Variants in PAX1 observed in about 807,000 individuals in gnomAD.
PAX1 encodes paired box 1, also known as paired box protein Pax-1.
In PAX1, 18 loss-of-function variants were observed where a neutral mutation model predicts 35.6. The observed-to-expected ratio is 0.50, with a 90% CI of 0.35 to 0.75. The LOEUF (loss-of-function observed/expected upper bound fraction) is 0.75, where lower values mean the gene tolerates loss of function less well. PAX1 is among the 30% of genes least tolerant of loss of function. PAX1 has a pLI of 0.01. For missense variants in PAX1, 760 were observed against 661.5 expected (o/e 1.15, Z -1.63); for synonymous variants, 397 against 305.2 (o/e 1.30, Z -3.14).
Position 21,714,563 on chromosome 20 carries a change from G to A in PAX1, c.*1G>A, listed in dbSNP as rs776170745. 1.1e-5 allele frequency: 18 copies of A among 1,586,768 alleles called. No homozygotes were observed. The highest frequency in any genetic ancestry group is 1.5e-5 in the Non-Finnish European group (18 of 1,167,722). On this transcript the variant is annotated 3_prime_UTR_variant, in exon 5 of 5. Coordinates refer to ENST00000613128, the MANE Select transcript of PAX1 (RefSeq NM_001257096.2). ...GCCCATCCCGGCCTCGACCTCCTAG[G>A]GGCAGCTCTCCCCGGACCCGAGCCC...
At position 21,709,337 on chromosome 20, in the gene PAX1, C is replaced by T. The variant is rs201542749; in HGVS notation, c.1175C>T (p.Pro392Leu). ...PGGGYLAPGP[P>L]WPPAQGPPLA... Reference sequence around the variant, plus strand: ...GGCGGCTACCTCGCCCCGGGCCCGCCGTGGCCGCCTGCGCAAGGTCCTCCT... The same window carrying T: ...GGCGGCTACCTCGCCCCGGGCCCGCTGTGGCCGCCTGCGCAAGGTCCTCCT... The change falls in exon 4 of 5, where the codon CCG becomes CTG. Residue 392 changes from proline to leucine, a missense_variant. By Grantham distance (98) the Pro-to-Leu change is moderately conservative. Coordinates refer to ENST00000613128, the MANE Select transcript of PAX1 (RefSeq NM_001257096.2). 3 of 1,599,098 alleles carry T rather than the reference C, an allele frequency of 1.9e-6. No homozygotes were observed. Among genetic ancestry groups the T allele is most frequent in the South Asian group, 1.1e-5 (1 of 90,788 alleles).
Position 21,706,902 on chromosome 20 carries a change from A to G in PAX1, c.751A>G (p.Ile251Val). 1.9e-6 allele frequency: 3 copies of G among 1,613,336 alleles called. No homozygotes were observed. In the East Asian group the frequency reaches 6.7e-5, roughly 36 times the overall value. The change falls in exon 2 of 5, where the codon ATC (isoleucine) becomes GTC (valine). Residue 251 changes from isoleucine (I) to valine (V), a missense_variant. This residue lies in a region of PAX1 where 490 missense variants were observed against 428.4 expected (regional missense o/e 1.14). Coordinates refer to ENST00000613128, the MANE Select transcript of PAX1 (RefSeq NM_001257096.2). This position sits in a 1 kb window ranked among gnomAD's most constrained non-coding sequence, Gnocchi z 5.3. The part of the protein sequence containing the change: ...PSQPTLPYNH[I>V]YQYPYPSPVS... ...GCAGCCTACGCTGCCCTACAACCAC[A>G]TCTACCAGTACCCCTACCCCAGTCC...
At chr20:21,708,369 T>C (rs1985082076) in intron 2 of PAX1, 189 bp from the exon 3 acceptor site, 3 of 758,072 alleles carry the variant, frequency 4.0e-6, no homozygotes, top group Non-Finnish European at 4.8e-6. Context: ...CAGGCCTGGC[T>C]GCCTTTCCTC....
At position 21,714,859 on chromosome 20, in the gene PAX1, G is replaced by A. The variant is rs1016176340; in HGVS notation, c.*297G>A. On this transcript the variant is annotated 3_prime_UTR_variant, in exon 5 of 5. Coordinates refer to ENST00000613128, the MANE Select transcript of PAX1 (RefSeq NM_001257096.2). The stretch of plus-strand genomic sequence containing the variant: ...TGACGTGGCCTCCTTCGCTCTGCCA[G>A]CTTCAAATTTCTTTTTTGTCACTCC... 2.8e-6 allele frequency: 4 copies of A among 1,440,832 alleles called. No individual in the cohort carries two copies. The African/African-American group carries it at 4.2e-5, about 15-fold the overall frequency. The allele number at this position is 1,440,832 out of a possible 1,614,324, so 89.3% of individuals were successfully genotyped here.
intron 4 of PAX1, 48 bp from the exon 5 acceptor site, chr20:21,714,423 T>C (rs1465797465): frequency 7.0e-7 from 1 of 1,423,926 alleles, no homozygotes; most frequent in Non-Finnish European, 9.5e-7. Flanking sequence ...CCTCTCGCAC[T>C]GCGCGGCGCT....
At chr20:21,713,538 G>C (rs972148448) in intron 4 of PAX1, among the ~76,000 whole-genome samples, 1 of 152,042 alleles carries the variant, frequency 6.6e-6, no homozygotes, top group Non-Finnish European at 1.5e-5. Flanking sequence ...GGCGCTCCAA[G>C]CTCCCCCTTT....
rs1465696001 is a variant in PAX1, at chr20:21,708,573, G to A, written c.932G>A (p.Ser311Asn). 2.5e-6 allele frequency: 4 copies of A among 1,613,784 alleles called. No homozygotes were observed. The Admixed American group carries it at 5.0e-5, about 20-fold the overall frequency. Residue 311 changes from serine to asparagine, a missense_variant, in exon 3 of 5, where the codon AGC (serine) becomes AAC (asparagine). By Grantham distance (46) the Ser-to-Asn change is conservative. Around this residue, in one of 3 missense-constraint regions of PAX1, gnomAD observed 490 missense variants for 428.4 expected, o/e 1.14. Transcript: ENST00000613128. ...TCTCCTGCAGGGGCCCTGGCTGGGA[G>A]CGAAGGCACCGCTTACTCTCCCAAG... ...FMEQTGALAG[S>N]EGTAYSPKME...
chr20:21,705,963 C>T lies in PAX1; in HGVS notation c.251C>T (p.Pro84Leu). 2 of 1,489,552 alleles carry T rather than the reference C, an allele frequency of 1.3e-6. No homozygotes were observed. Among genetic ancestry groups the T allele is most frequent in the Non-Finnish European group, 1.8e-6 (2 of 1,128,668 alleles). 92.3% of individuals were successfully genotyped at this position (1,489,552 alleles called of 1,614,324 possible). Residue 84 changes from proline to leucine, a missense_variant, in exon 1 of 5, where the codon CCC becomes CTC. By Grantham distance (98) the Pro-to-Leu change is moderately conservative. Coordinates refer to ENST00000613128, the MANE Select transcript of PAX1 (RefSeq NM_001257096.2). ...AGPSPGHPGH[P>L]GARQLAGPLA... Reference sequence around the variant, plus strand: ...CCCAGCCCCGGCCACCCCGGCCACCCCGGCGCCAGGCAGCTGGCCGGCCCG... The same window carrying T: ...CCCAGCCCCGGCCACCCCGGCCACCTCGGCGCCAGGCAGCTGGCCGGCCCG...
chr20:21,705,837 GC>G lies in PAX1; in HGVS notation c.128del (p.Pro43ArgfsTer60). ...CGCTGCCGCGCACAGCGCGTCTCCA[GC>G]CCGCGGCTGGGCCGCCGCGGCTCTC... ...ALRCRAQRVS[S>X]PRLGRRGSRL... On this transcript the variant is annotated frameshift_variant, in exon 1 of 5. Coordinates refer to ENST00000613128, the MANE Select transcript of PAX1 (RefSeq NM_001257096.2). LOFTEE classifies it high-confidence loss of function. 7.3e-7 allele frequency: 1 copy of G among 1,365,012 alleles called. No homozygotes were observed. The allele number at this position is 1,365,012 out of a possible 1,614,324, so 84.6% of individuals were successfully genotyped here. A position where few individuals can be genotyped will look rare whatever the true frequency, so the allele number is the denominator to read the frequency against.
rs993370464 is a variant in PAX1, at chr20:21,708,355, G to A, written c.917-203G>A. On this transcript the variant is annotated intron_variant, in intron 2 of 4. Transcript: ENST00000613128. Reference sequence around the variant, plus strand: ...ACCGGTTGAAGGCTAGGAGGACCGGGCAGCAGGCCTGGCTGCCTTTCCTCC... The same window carrying A: ...ACCGGTTGAAGGCTAGGAGGACCGGACAGCAGGCCTGGCTGCCTTTCCTCC... The A allele has an allele frequency of 8.4e-6, 6 of 717,936 alleles. No individual in the cohort carries two copies. In the African/African-American group the frequency reaches 8.6e-5, roughly 10 times the overall value. The allele number at this position is 717,936 out of a possible 1,614,324, so 44.5% of individuals were successfully genotyped here.
chr20:21,707,250 C>G lies in PAX1; in HGVS notation c.916+183C>G, dbSNP rs17861032. On this transcript the variant is annotated intron_variant, in intron 2 of 4. Transcript: ENST00000613128. The stretch of plus-strand genomic sequence containing the variant: ...TGTAAGAGACCTCGGACATCTTGAA[C>G]TTTTTATGACAAATATGGAAAATAT... Among the ~76,000 whole-genome samples the G allele has an allele frequency of 1.5e-4, 23 of 152,302 alleles. No homozygotes were observed. In the East Asian group the frequency reaches 3.3e-3, roughly 22 times the overall value.
Position 21,706,605 on chromosome 20 carries a change from G to A in PAX1, c.454G>A (p.Ala152Thr), listed in dbSNP as rs1281202335. The change falls in exon 2 of 5, where the codon GCG (alanine) becomes ACG (threonine). Residue 152 changes from alanine to threonine, a missense_variant. This residue lies in a region of PAX1 where 48 missense variants were observed against 80.0 expected (regional missense o/e 0.60). Coordinates refer to ENST00000613128, the MANE Select transcript of PAX1 (RefSeq NM_001257096.2). This position sits in a 1 kb window ranked among gnomAD's most constrained non-coding sequence, Gnocchi z 5.3. ...VSHGCVSKIL[A>T]RYNETGSILP... is the part of the protein sequence containing the mutation. ...CCACGGCTGCGTGAGCAAGATCCTGGCGCGCTACAACGAGACCGGCTCCAT... is the reference window on the plus strand; with the variant it reads ...CCACGGCTGCGTGAGCAAGATCCTGACGCGCTACAACGAGACCGGCTCCAT... The A allele has an allele frequency of 6.2e-7, 1 of 1,612,186 alleles. No individual in the cohort carries two copies. The highest frequency in any genetic ancestry group is 1.7e-5 in the Admixed American group (1 of 60,032).
Position 21,714,629 on chromosome 20 carries a change from G to T in PAX1, c.*67G>T. The T allele has an allele frequency of 6.4e-7, 1 of 1,566,166 alleles. No individual in the cohort carries two copies. On this transcript the variant is annotated 3_prime_UTR_variant, in exon 5 of 5. Transcript: ENST00000613128. ...CGGACCCGGGCGCACAGGTCTGCGC[G>T]GCGGCCCCGGCAATCGGCACGGGCA...
intron 4 of PAX1, among the ~76,000 whole-genome samples, chr20:21,710,715 G>A (rs1289008168): frequency 1.3e-5 from 2 of 152,000 alleles, no homozygotes; most frequent in Non-Finnish European, 2.9e-5. Flanking sequence ...GGGCAGGAAG[G>A]AAATAAAGAT....
chr20:21,706,345 TG>T lies in PAX1; in HGVS notation c.287-90del. ...CACAGGTCACCTTTGGAAGTGCGCCTGGGTGCAGTCCCTCGCTCCGCGTGGG... is the reference window on the plus strand; with the variant it reads ...CACAGGTCACCTTTGGAAGTGCGCCTGGTGCAGTCCCTCGCTCCGCGTGGG... On this transcript the variant is annotated intron_variant, in intron 1 of 4. Transcript: ENST00000613128. This position sits in a 1 kb window ranked among gnomAD's most constrained non-coding sequence, Gnocchi z 5.3. 6.6e-7 allele frequency: 1 copy of T among 1,524,064 alleles called. No individual in the cohort carries two copies. 94.4% of individuals were successfully genotyped at this position (1,524,064 alleles called of 1,614,324 possible).
Position 21,714,664 on chromosome 20 carries a change from G to T in PAX1, c.*102G>T, listed in dbSNP as rs1600330066. On this transcript the variant is annotated 3_prime_UTR_variant, in exon 5 of 5. Coordinates refer to ENST00000613128, the MANE Select transcript of PAX1 (RefSeq NM_001257096.2). ...GCAATCGGCACGGGCAGGATCGGAG[G>T]ACTCGCGGAGGAGGAAGCCAGTGCC... is the stretch of plus-strand genomic sequence containing the variant. 2 of 1,602,670 alleles carry T rather than the reference G, an allele frequency of 1.2e-6. No homozygotes were observed. Among genetic ancestry groups the T allele is most frequent in the African/African-American group, 1.3e-5 (1 of 74,860 alleles).
rs1985010140 is a variant in PAX1 at position 21,706,634 on chromosome 20, G to T, written c.483G>T (p.Leu161=). The T allele has an allele frequency of 1.2e-6, 2 of 1,612,122 alleles. No individual in the cohort carries two copies. The highest frequency in any genetic ancestry group is 1.7e-6 in the Non-Finnish European group (2 of 1,180,024). Residue 161 remains leucine, a synonymous_variant, in exon 2 of 5, where the codon CTG becomes CTT. Transcript: ENST00000613128. The surrounding 1 kb of genome is among the most constrained non-coding windows in gnomAD (Gnocchi z 5.3). ...LARYNETGSI[L]PGAIGGSKPR... ...GCTACAACGAGACCGGCTCCATTCTGCCCGGGGCCATCGGGGGGAGCAAGC... is the reference window on the plus strand; with the variant it reads ...GCTACAACGAGACCGGCTCCATTCTTCCCGGGGCCATCGGGGGGAGCAAGC...
At chr20:21,707,898 C>G (rs1351146766) in intron 2 of PAX1, among the ~76,000 whole-genome samples, 1 of 152,194 alleles carries the variant, frequency 6.6e-6, no homozygotes. Context: ...GCAGCAGCAG[C>G]GCCTCTGTGG....
In PAX1 at chr20:21,708,638, G is replaced by C. The variant is rs1415574372; in HGVS notation, c.997G>C (p.Ala333Pro). The C allele has an allele frequency of 1.2e-6, 2 of 1,613,606 alleles. No individual in the cohort carries two copies. Among genetic ancestry groups the C allele is most frequent in the Non-Finnish European group, 1.7e-6 (2 of 1,180,018 alleles). The change falls in exon 3 of 5, where the codon GCC becomes CCC. Residue 333 changes from alanine (A) to proline (P), a missense_variant. Physicochemically the swap from Ala to Pro is conservative, Grantham distance 27 (BLOSUM62 -1). Around this residue, in one of 3 missense-constraint regions of PAX1, gnomAD observed 490 missense variants for 428.4 expected, o/e 1.14. Transcript: ENST00000613128. ...WAGVNRTAFP[A>P]TPAVNGLEKP... ...CGGCGTGAACCGCACGGCCTTCCCC[G>C]CCACCCCCGCAGTGAATGGGCTAGA...
Sources: allele counts gnomAD v4.1 joint callset (sites outside exome capture counted in the v4.1 genomes callset), GRCh38; gene constraint gnomAD v4.1.1; regional missense constraint gnomAD v4.1.1; non-coding constraint Gnocchi (gnomAD v3.1); transcripts MANE v1.5; gene names NCBI Gene and HGNC (gene_info 2026-07-23, HGNC 2026-07-21).